Variants in NECAB1 observed in about 807,000 individuals in gnomAD.
The protein encoded by NECAB1 is N-terminal EF-hand calcium binding protein 1.
A neutral mutation model predicts 57.5 loss-of-function variants in NECAB1; 29 were observed. The ratio of observed to expected loss-of-function variants is 0.50; its 90% CI spans 0.38 to 0.69. NECAB1 has a LOEUF of 0.69. Ranked by LOEUF, NECAB1 falls within the 30% of genes least tolerant of loss-of-function variation. The pLI is 0.00. For missense variants in NECAB1, 372 were observed against 413.8 expected (o/e 0.90, Z 0.88); for synonymous variants, 142 against 147.7 (o/e 0.96, Z 0.28).
At chr8:90,869,549 G>T (rs1000999856) in intron 3 of NECAB1, among the ~76,000 whole-genome samples, 7 of 152,202 alleles carry the variant, frequency 4.6e-5, no homozygotes, top group African/African-American at 1.7e-4. Context: ...TGGATTCAAA[G>T]GAGATTATTT....
At chr8:90,948,792 C>G (rs1018874124) in intron 10 of NECAB1, among the ~76,000 whole-genome samples, 1 of 152,130 alleles carries the variant, frequency 6.6e-6, no homozygotes, top group African/African-American at 2.4e-5. Flanking sequence ...TCCAGCTGTT[C>G]TTTCTACTTT....
intron 1 of NECAB1, among the ~76,000 whole-genome samples, chr8:90,795,669 CTG>C (rs778385720): frequency 6.6e-6 from 1 of 151,692 alleles, no homozygotes; most frequent in Non-Finnish European, 1.5e-5. Context: ...TGACTGAACT[CTG>C]TTATAGCCAC....
chr8:90,852,750 A>C (rs1244234027), intron 3 of NECAB1, among the ~76,000 whole-genome samples: 1 of 152,194 alleles, frequency 6.6e-6, no homozygotes, highest in African/African-American at 2.4e-5. Context: ...CTTTGGGGAA[A>C]GATTATGTGT....
chr8:90,792,453 A>G (rs1811592557), intron 1 of NECAB1, among the ~76,000 whole-genome samples: 1 of 152,140 alleles, frequency 6.6e-6, no homozygotes, highest in Non-Finnish European at 1.5e-5. Context: ...ACCCCCTCGG[A>G]AAACAATTAC....
chr8:90,955,626 T>G lies in NECAB1; in HGVS notation c.*114T>G. On this transcript the variant is annotated 3_prime_UTR_variant, in exon 13 of 13. Transcript: ENST00000417640. ...ATCTACTGTATATTTTTGTTTGGTA[T>G]ATTTACTAAGTGCACTCTTTCAAAA... 1 of 729,090 alleles carries G rather than the reference T, an allele frequency of 1.4e-6. No homozygotes were observed. Among genetic ancestry groups the G allele is most frequent in the East Asian group, 3.0e-5 (1 of 32,978 alleles). 45.2% of individuals were successfully genotyped at this position (729,090 alleles called of 1,614,324 possible).
At chr8:90,862,373 T>C (rs1377478470) in intron 3 of NECAB1, among the ~76,000 whole-genome samples, 1 of 152,150 alleles carries the variant, frequency 6.6e-6, no homozygotes, top group Non-Finnish European at 1.5e-5. Flanking sequence ...GATACCTTTT[T>C]ACCTTTTGGA....
At chr8:90,942,155 T>G (rs1208362172) in intron 10 of NECAB1, among the ~76,000 whole-genome samples, 1 of 152,242 alleles carries the variant, frequency 6.6e-6, no homozygotes, top group Non-Finnish European at 1.5e-5. Flanking sequence ...TTTGTGGTTT[T>G]GAGAAAGACC....
At chr8:90,796,328 C>A (rs928722373) in intron 1 of NECAB1, among the ~76,000 whole-genome samples, 2 of 152,118 alleles carry the variant, frequency 1.3e-5, no homozygotes, top group Admixed American at 1.3e-4. Context: ...TGGTGGGACT[C>A]CATGTTCTGG....
rs34779201 is a variant in NECAB1, at chr8:90,849,686, A to ATTTTTTTTT, written c.234-22425_234-22417dup. 2.1e-4 allele frequency among the ~76,000 whole-genome samples: 18 copies of ATTTTTTTTT among 84,132 alleles called. 1 individual carries two copies. The highest frequency in any genetic ancestry group is 2.9e-4 in the African/African-American group (7 of 24,522). The allele number at this position is 84,132 out of a possible 152,430, so 55.2% of individuals were successfully genotyped here. A position where few individuals can be genotyped will look rare whatever the true frequency, so the allele number is the denominator to read the frequency against. Reference sequence around the variant, plus strand: ...TTTTTTATGTTTAAAGTTTCCAGTAATTTTTTTTTTTTTTTTTTTTTTTTT... The same window carrying ATTTTTTTTT: ...TTTTTTATGTTTAAAGTTTCCAGTAATTTTTTTTTTTTTTTTTTTTTTTTTTTTTTTTTT... On this transcript the variant is annotated intron_variant, in intron 3 of 12. Transcript: ENST00000417640.
intron 8 of NECAB1, among the ~76,000 whole-genome samples, chr8:90,934,058 T>G (rs1810472912): frequency 6.6e-6 from 1 of 152,168 alleles, no homozygotes; most frequent in Non-Finnish European, 1.5e-5. Flanking sequence ...CTAATGGCAT[T>G]CAAGAAGTAA....
chr8:90,824,725 A>C lies in NECAB1; in HGVS notation c.133A>C (p.Lys45Gln). ...TGTTCTTGCCATTTCAGATGATGGA[A>C]AATTATCCTTTGAAGAATTCAAAGC... ...LRRADKNDDG[K>Q]LSFEEFKAYF... is the part of the protein sequence containing the mutation. Residue 45 changes from lysine (K) to glutamine (Q), a missense_variant, in exon 3 of 13, where the codon AAA (lysine) becomes CAA (glutamine). Physicochemically the swap from Lys to Gln is moderately conservative, Grantham distance 53. Coordinates refer to ENST00000417640, the MANE Select transcript of NECAB1 (RefSeq NM_022351.5). 6.5e-7 allele frequency: 1 copy of C among 1,532,554 alleles called. No individual in the cohort carries two copies. Among genetic ancestry groups the C allele is most frequent in the African/African-American group, 1.4e-5 (1 of 72,544 alleles). 94.9% of individuals were successfully genotyped at this position (1,532,554 alleles called of 1,614,324 possible).
chr8:90,872,895 G>T (rs1017175111), intron 4 of NECAB1, among the ~76,000 whole-genome samples: 2 of 152,070 alleles, frequency 1.3e-5, no homozygotes, highest in African/African-American at 2.4e-5. Context: ...AAACATTTTT[G>T]GTAGTTAGAG....
chr8:90,899,233 G>T (rs563580758), intron 5 of NECAB1, among the ~76,000 whole-genome samples: 192 of 152,240 alleles, frequency 1.3e-3, no homozygotes, highest in Non-Finnish European at 2.2e-3. Context: ...GATCCCCAAG[G>T]TGTGGCAGCT....
intron 3 of NECAB1, among the ~76,000 whole-genome samples, chr8:90,851,414 T>C (rs910417157): frequency 2.0e-5 from 3 of 152,118 alleles, no homozygotes; most frequent in Non-Finnish European, 2.9e-5. Flanking sequence ...AGGGGCAGAC[T>C]TGTGGACGAA....
intron 3 of NECAB1, among the ~76,000 whole-genome samples, chr8:90,852,433 G>T (rs1812701558): frequency 1.3e-5 from 2 of 152,182 alleles, no homozygotes. Flanking sequence ...GATAGGGACA[G>T]GAGGCAGAGT....
intron 3 of NECAB1, among the ~76,000 whole-genome samples, chr8:90,862,699 A>C (rs1054186710): frequency 6.7e-6 from 1 of 150,300 alleles, no homozygotes; most frequent in African/African-American, 2.5e-5. Context: ...AAGATCACTA[A>C]CAAGCCATAT....
intron 3 of NECAB1, among the ~76,000 whole-genome samples, chr8:90,838,025 T>C (rs756585768): frequency 2.0e-5 from 3 of 152,222 alleles, no homozygotes; most frequent in Non-Finnish European, 2.9e-5. Context: ...TAAAAATTCA[T>C]AGGGATTGTG....
intron 5 of NECAB1, among the ~76,000 whole-genome samples, chr8:90,903,554 C>A (rs562829607): frequency 1.3e-5 from 2 of 152,006 alleles, no homozygotes; most frequent in Non-Finnish European, 2.9e-5. Context: ...TCAAAACTTA[C>A]CTGTTAGCTA....
chr8:90,918,715 AC>A (rs1165293411), intron 6 of NECAB1, among the ~76,000 whole-genome samples: 2 of 152,078 alleles, frequency 1.3e-5, no homozygotes, highest in Non-Finnish European at 2.9e-5. Flanking sequence ...GATCCGTCTC[AC>A]CCACCTCCTG....
Sources: gnomAD v4.1 joint callset for allele counts (sites outside exome capture counted in the v4.1 genomes callset) on GRCh38, gnomAD v4.1.1 for gene constraint, MANE v1.5 for transcripts, NCBI Gene and HGNC (gene_info 2026-07-23, HGNC 2026-07-21) for gene names.